Variants in PCNX2 observed in about 807,000 individuals in gnomAD.
The protein encoded by PCNX2 is pecanex-like protein 2.
PCNX2 carries 168 observed loss-of-function variants against 223.8 expected under a neutral mutation model. The ratio of observed to expected loss-of-function variants is 0.75; its 90% CI spans 0.66 to 0.85. The LOEUF is 0.85. Ranked by LOEUF, PCNX2 falls within the 40% of genes least tolerant of loss-of-function variation. PCNX2 has a pLI of 0.00. For synonymous variants in PCNX2, 1,006 were observed against 1,052.6 expected (o/e 0.96, Z 0.86); for missense variants, 2,507 against 2,675.5 (o/e 0.94, Z 1.39).
intron 25 of PCNX2, chr1:233,047,235 G>A (rs1453399428): frequency 1.7e-5 from 7 of 417,656 alleles, no homozygotes; most frequent in South Asian, 1.0e-4. Context: ...CCTAAACCAC[G>A]AAGTTCTGTG....
intron 26 of PCNX2, among the ~76,000 whole-genome samples, chr1:233,021,406 A>C (rs998016065): frequency 4.6e-5 from 7 of 152,194 alleles, no homozygotes; most frequent in Admixed American, 4.6e-4. Context: ...AAACAATATA[A>C]GTCCTTGGGT....
chr1:233,182,520 G>A (rs1479307285), intron 15 of PCNX2, among the ~76,000 whole-genome samples: 1 of 152,126 alleles, frequency 6.6e-6, no homozygotes, highest in Non-Finnish European at 1.5e-5. Context: ...ATCGGATCAT[G>A]TCTGTGCCCT....
At chr1:233,236,076 T>A (rs1255128932) in intron 9 of PCNX2, among the ~76,000 whole-genome samples, 1 of 149,952 alleles carries the variant, frequency 6.7e-6, no homozygotes, top group Non-Finnish European at 1.5e-5. Flanking sequence ...AACTTGACAC[T>A]CACATGACAT....
chr1:233,176,280 C>A (rs79476350), intron 17 of PCNX2, among the ~76,000 whole-genome samples: 1,965 of 152,242 alleles, frequency 0.013, 26 homozygotes, highest in South Asian at 0.037. Context: ...GTCCAGAGCC[C>A]TTATCCTGGT....
chr1:233,096,823 G>A (rs1197418641), intron 21 of PCNX2, among the ~76,000 whole-genome samples: 1 of 152,160 alleles, frequency 6.6e-6, no homozygotes. Flanking sequence ...GCAAGGGTTG[G>A]GCAATGGGGC....
chr1:233,138,021 TAG>T (rs1161959015), intron 20 of PCNX2, among the ~76,000 whole-genome samples: 2 of 152,202 alleles, frequency 1.3e-5, no homozygotes, highest in Admixed American at 6.5e-5. Flanking sequence ...GATACCAATA[TAG>T]AGTTTCCTGC....
intron 23 of PCNX2, among the ~76,000 whole-genome samples, chr1:233,080,742 C>G (rs1673321252): frequency 6.6e-6 from 1 of 152,142 alleles, no homozygotes; most frequent in African/African-American, 2.4e-5. Flanking sequence ...CTCCTAATAC[C>G]ATCGCACTGT....
chr1:233,294,132 G>C, intron 1 of PCNX2: 1 of 392,212 alleles, frequency 2.5e-6, no homozygotes, highest in Non-Finnish European at 3.5e-6. Context: ...GAAAAGTTCA[G>C]TATCAGACCA....
chr1:233,067,404 A>AAAAAAAAAAAAAAAT (rs1672661617), intron 23 of PCNX2, among the ~76,000 whole-genome samples: 1 of 117,316 alleles, frequency 8.5e-6, no homozygotes, highest in Admixed American at 8.8e-5. Context: ...AAAAAAAAAA[A>AAAAAAAAAAAAAAAT]GCAAGACTTG....
chr1:233,295,898 CTTT>C (rs1316663508), upstream of PCNX2, among the ~76,000 whole-genome samples: 1 of 151,574 alleles, frequency 6.6e-6, no homozygotes, highest in African/African-American at 2.4e-5. The surrounding 1 kb of genome is among the most constrained non-coding windows in gnomAD (Gnocchi z 4.1). Context: ...TTCTCTCTCT[CTTT>C]TTCCTTCCTC....
chr1:233,298,429 T>C (rs191132478), upstream of PCNX2, among the ~76,000 whole-genome samples: 68 of 152,290 alleles, frequency 4.5e-4, no homozygotes, highest in African/African-American at 1.6e-3. Context: ...AGGTGCCTAA[T>C]TGTGTTGTAT....
chr1:233,112,895 CA>C, intron 21 of PCNX2: 1 of 1,289,276 alleles, frequency 7.8e-7, no homozygotes, highest in South Asian at 1.2e-5. Context: ...CAGCCCCTCC[CA>C]TGAGATGAAC....
intron 31 of PCNX2, 104 bp from the exon 32 acceptor site, chr1:232,998,542 T>C: frequency 8.0e-7 from 1 of 1,255,628 alleles, no homozygotes; most frequent in East Asian, 2.5e-5. Flanking sequence ...GAGCGTGCTC[T>C]CCAGGTGAGT....
intron 21 of PCNX2, among the ~76,000 whole-genome samples, chr1:233,134,169 T>A (rs937917702): frequency 6.6e-6 from 1 of 152,216 alleles, no homozygotes; most frequent in South Asian, 2.1e-4. Context: ...GGCTGCTGTA[T>A]TCAACTGCCG....
At chr1:233,156,071 A>C (rs558270013) in intron 19 of PCNX2, among the ~76,000 whole-genome samples, 1 of 152,346 alleles carries the variant, frequency 6.6e-6, no homozygotes, top group African/African-American at 2.4e-5. Flanking sequence ...GAACTGTACT[A>C]TAAGTGATAG....
intron 14 of PCNX2, 94 bp from the exon 15 acceptor site, chr1:233,199,124 C>G: frequency 2.6e-6 from 3 of 1,153,890 alleles, no homozygotes; most frequent in South Asian, 3.0e-5. Flanking sequence ...CATTCGCATA[C>G]AAGATGCCTG....
In PCNX2 at chr1:233,179,056, G is replaced by T; in HGVS notation, c.3176+10C>A. ...TCAGTGATGAGAGAGCACAGGCATA[G>T]ACCACTCACATGAGTACAGATGGGT... On this transcript the variant is annotated intron_variant, in intron 16 of 33. Transcript: ENST00000258229. The T allele has an allele frequency of 6.2e-7, 1 of 1,612,164 alleles. No individual in the cohort carries two copies. Among genetic ancestry groups the T allele is most frequent in the South Asian group, 1.1e-5 (1 of 90,984 alleles).
At chr1:233,188,404 T>C (rs1680226470) in intron 15 of PCNX2, among the ~76,000 whole-genome samples, 1 of 152,180 alleles carries the variant, frequency 6.6e-6, no homozygotes, top group Non-Finnish European at 1.5e-5. Flanking sequence ...TCTAGGCCAG[T>C]AAGGGAGGGT....
At chr1:233,317,367 T>C in the PCNX2 span, among the ~76,000 whole-genome samples, 2 of 152,252 alleles carry the variant, frequency 1.3e-5, no homozygotes, top group South Asian at 4.1e-4. Flanking sequence ...TGAGCTGAGA[T>C]CGTGCCACTG....
Sources: allele counts gnomAD v4.1 joint callset (sites outside exome capture counted in the v4.1 genomes callset), GRCh38; gene constraint gnomAD v4.1.1; non-coding constraint Gnocchi (gnomAD v3.1); transcripts MANE v1.5; gene names NCBI Gene and HGNC (gene_info 2026-07-23, HGNC 2026-07-21).